The following NDST3 variants were observed in gnomAD, a reference collection of about 807,000 sequenced individuals.
The protein encoded by NDST3 is bifunctional heparan sulfate N-deacetylase/N-sulfotransferase 3.
NDST3 carries 58 observed loss-of-function variants against 96.1 expected under a neutral mutation model. The ratio of observed to expected loss-of-function variants is 0.60; its 90% CI spans 0.49 to 0.75. NDST3 has a LOEUF of 0.75. Among genes scored for constraint, NDST3 ranks in the 30% least tolerant of loss-of-function variants. The pLI is 0.00. For synonymous variants in NDST3, 333 were observed against 359.7 expected, an observed-to-expected ratio of 0.93 and a Z score of 0.84; for missense variants, 788 against 1,034.2, an observed-to-expected ratio of 0.76 and a Z score of 3.27.
chr4:118,043,914 T>G (rs972567406), intron 1 of NDST3, among the ~76,000 whole-genome samples: 4 of 152,242 alleles, frequency 2.6e-5, no homozygotes, highest in African/African-American at 9.6e-5. Flanking sequence ...GGACGTGCAC[T>G]GGAATTTTTT....
chr4:118,075,117 G>A (rs1251458471), intron 2 of NDST3, among the ~76,000 whole-genome samples: 1 of 149,918 alleles, frequency 6.7e-6, no homozygotes, highest in Non-Finnish European at 1.5e-5. Flanking sequence ...TGTTCTCATT[G>A]TTCAATTCCT....
intron 2 of NDST3, among the ~76,000 whole-genome samples, chr4:118,071,145 T>C (rs1727038708): frequency 6.6e-6 from 1 of 152,162 alleles, no homozygotes; most frequent in African/African-American, 2.4e-5. Context: ...TTGGGTTGGT[T>C]CCAAGTCTTT....
chr4:118,094,028 C>A (rs1729095662), intron 2 of NDST3, among the ~76,000 whole-genome samples: 1 of 151,724 alleles, frequency 6.6e-6, no homozygotes, highest in African/African-American at 2.4e-5. Flanking sequence ...TTTATAAGGT[C>A]ATTGATCCCA....
intron 5 of NDST3, among the ~76,000 whole-genome samples, chr4:118,140,089 A>G (rs552412005): frequency 6.6e-6 from 1 of 152,078 alleles, no homozygotes; most frequent in Admixed American, 6.5e-5. Context: ...TGGACTGTCT[A>G]CCTTTCTATT....
chr4:118,087,240 T>C (rs965801300), intron 2 of NDST3, among the ~76,000 whole-genome samples: 1 of 152,178 alleles, frequency 6.6e-6, no homozygotes, highest in Non-Finnish European at 1.5e-5. Flanking sequence ...ATCACATAGA[T>C]GATATGTAAA....
intron 2 of NDST3, among the ~76,000 whole-genome samples, chr4:118,085,862 A>G (rs908068625): frequency 6.6e-6 from 1 of 152,202 alleles, no homozygotes; most frequent in Admixed American, 6.5e-5. Flanking sequence ...TGGGAGTTCA[A>G]TCATCGTATG....
At chr4:118,207,146 TACAC>T (rs67300451) in intron 6 of NDST3, among the ~76,000 whole-genome samples, 12,502 of 128,698 alleles carry the variant, frequency 0.097, 2,156 homozygotes, top group African/African-American at 0.27. Flanking sequence ...TCTGGAAGAA[TACAC>T]ACACACACAC....
intron 4 of NDST3, among the ~76,000 whole-genome samples, chr4:118,135,030 C>T (rs1468948797): frequency 6.6e-6 from 1 of 152,200 alleles, no homozygotes; most frequent in Non-Finnish European, 1.5e-5. Context: ...GCTTTTAAAA[C>T]CTGATAGTCT....
At chr4:118,177,541 A>T (rs1736351259) in intron 6 of NDST3, among the ~76,000 whole-genome samples, 1 of 152,046 alleles carries the variant, frequency 6.6e-6, no homozygotes, top group Non-Finnish European at 1.5e-5. Flanking sequence ...ATTTGGTTTA[A>T]GATTACAGGA....
chr4:118,098,753 A>G (rs576496588), intron 2 of NDST3, among the ~76,000 whole-genome samples: 3 of 152,210 alleles, frequency 2.0e-5, no homozygotes, highest in Admixed American at 1.3e-4. Context: ...AAAATTCACT[A>G]ATGTCATTTA....
At chr4:118,192,386 T>A (rs146188040) in intron 6 of NDST3, among the ~76,000 whole-genome samples, 5 of 152,328 alleles carry the variant, frequency 3.3e-5, no homozygotes, top group African/African-American at 9.6e-5. Context: ...AGTTCCCCAA[T>A]GTTTTCTTGT....
chr4:118,195,875 A>G (rs1258337085), intron 6 of NDST3, among the ~76,000 whole-genome samples: 1 of 152,188 alleles, frequency 6.6e-6, no homozygotes, highest in Non-Finnish European at 1.5e-5. Flanking sequence ...TAGGACTTCT[A>G]GTACTATGTT....
At chr4:118,152,143 C>T (rs1734440184) in intron 6 of NDST3, among the ~76,000 whole-genome samples, 1 of 152,000 alleles carries the variant, frequency 6.6e-6, no homozygotes, top group African/African-American at 2.4e-5. Flanking sequence ...AATCCGAGTC[C>T]TCGTAAGAAA....
At chr4:118,244,815 C>G (rs1387034711) in intron 12 of NDST3, among the ~76,000 whole-genome samples, 2 of 152,156 alleles carry the variant, frequency 1.3e-5, no homozygotes. Flanking sequence ...TAAAGATATA[C>G]AAAGTCACTG....
chr4:118,191,076 A>G (rs1737270836), intron 6 of NDST3, among the ~76,000 whole-genome samples: 2 of 152,162 alleles, frequency 1.3e-5, no homozygotes, highest in Non-Finnish European at 2.9e-5. Flanking sequence ...TGTCACCCTA[A>G]GCCATTGTTA....
intron 6 of NDST3, among the ~76,000 whole-genome samples, chr4:118,151,935 T>C (rs543651375): frequency 4.1e-4 from 63 of 152,304 alleles, no homozygotes; most frequent in Admixed American, 8.5e-4. Context: ...TTTATTATCC[T>C]GCATCATAAT....
In NDST3 at chr4:118,132,131, T is replaced by C. The variant is rs546043112; in HGVS notation, c.1225-5923T>C. On this transcript the variant is annotated intron_variant, in intron 4 of 13. Transcript: ENST00000296499. ...CAGCAGGTGGCAAAGCCAGCCAAGTTTGTGTCCTTCCCTTCAGAGCGGCAA... is the reference window on the plus strand; with the variant it reads ...CAGCAGGTGGCAAAGCCAGCCAAGTCTGTGTCCTTCCCTTCAGAGCGGCAA... Among the ~76,000 whole-genome samples, 10 of 152,130 alleles carry C rather than the reference T, an allele frequency of 6.6e-5. No homozygotes were observed. The East Asian group carries it at 1.9e-3, about 30-fold the overall frequency.
At chr4:118,136,854 G>A (rs1733142550) in intron 4 of NDST3, among the ~76,000 whole-genome samples, 1 of 152,156 alleles carries the variant, frequency 6.6e-6, no homozygotes, top group African/African-American at 2.4e-5. Flanking sequence ...TTGGGGCGAT[G>A]AGTGCTGATA....
chr4:118,092,739 G>T (rs547009212), intron 2 of NDST3, among the ~76,000 whole-genome samples: 11 of 151,884 alleles, frequency 7.2e-5, no homozygotes, highest in African/African-American at 2.7e-4. Context: ...CTGTAGTGAA[G>T]GGAACACACA....
Sources: gnomAD v4.1 joint callset for allele counts (sites outside exome capture counted in the v4.1 genomes callset) on GRCh38, gnomAD v4.1.1 for gene constraint, MANE v1.5 for transcripts, NCBI Gene and HGNC (gene_info 2026-07-23, HGNC 2026-07-21) for gene names.